Variants in ACACA observed in about 807,000 individuals in gnomAD.
ACACA encodes the protein acetyl-CoA carboxylase 1.
Under a neutral mutation model 296.1 loss-of-function variants are expected in ACACA, and 103 were observed. That is an observed-to-expected ratio of 0.35 (90% CI 0.30 to 0.41). The LOEUF is 0.41. ACACA is among the 10% of genes least tolerant of loss of function. The pLI, the probability that ACACA is intolerant of heterozygous loss-of-function variation, is 1.00. For synonymous variants in ACACA, 953 were observed against 1,038.6 expected, an observed-to-expected ratio of 0.92 and a Z score of 1.58; for missense variants, 1,554 against 2,989.7, an observed-to-expected ratio of 0.52 and a Z score of 11.20.
At chr17:37,324,002 G>A (rs898504188) in intron 3 of ACACA, among the ~76,000 whole-genome samples, 6 of 152,130 alleles carry the variant, frequency 3.9e-5, no homozygotes, top group African/African-American at 1.4e-4. Flanking sequence ...AGGCCAAGGC[G>A]GGTGGATCAC....
chr17:37,253,999 G>T (rs1309599553), intron 14 of ACACA, among the ~76,000 whole-genome samples: 3 of 152,224 alleles, frequency 2.0e-5, no homozygotes, highest in South Asian at 4.1e-4. Flanking sequence ...AATTTTAGCA[G>T]AATTTCAAAT....
At position 37,200,495 on chromosome 17, in the gene ACACA, A is replaced by C; in HGVS notation, c.4057-12T>G. ...ACCAGGGTAGCTTTCTAGGAGCAAA[A>C]ACATGTAAAACAGAAGATAGATGAG... is the stretch of plus-strand genomic sequence containing the variant. On this transcript the variant is annotated splice_polypyrimidine_tract_variant and intron_variant, in intron 33 of 55. Transcript: ENST00000616317. 1 of 1,604,368 alleles carries C rather than the reference A, an allele frequency of 6.2e-7. No homozygotes were observed.
intron 38 of ACACA, among the ~76,000 whole-genome samples, chr17:37,189,923 C>A (rs78258433): frequency 0.12 from 18,253 of 151,844 alleles, 1,693 homozygotes; most frequent in East Asian, 0.44. Flanking sequence ...GCCTGTAATC[C>A]CAGCACTTTG....
chr17:37,260,670 G>A (rs994061614), intron 11 of ACACA, among the ~76,000 whole-genome samples: 7 of 151,800 alleles, frequency 4.6e-5, no homozygotes, highest in Non-Finnish European at 8.8e-5. Context: ...TTATTCATTG[G>A]AACATAGTCA....
chr17:37,196,118 T>A (rs750415029), intron 35 of ACACA, among the ~76,000 whole-genome samples: 1 of 152,126 alleles, frequency 6.6e-6, no homozygotes, highest in Non-Finnish European at 1.5e-5. Context: ...ATGATACTAA[T>A]AATCGTGTTA....
At chr17:37,251,907 G>T in intron 16 of ACACA, 98 bp downstream of exon 16, 1 of 1,135,678 alleles carries the variant, frequency 8.8e-7, no homozygotes, top group Non-Finnish European at 1.3e-6. Flanking sequence ...CTCATAAGCT[G>T]CCAGGAATGG....
chr17:37,218,147 C>CAA (rs60487601), intron 29 of ACACA, among the ~76,000 whole-genome samples: 14,530 of 116,386 alleles, frequency 0.12, 1,164 homozygotes, highest in African/African-American at 0.26. Context: ...CTACCAGTAA[C>CAA]AAAAAAAAAA....
At chr17:37,258,957 A>C (rs1323337102) in intron 12 of ACACA, among the ~76,000 whole-genome samples, 1 of 152,210 alleles carries the variant, frequency 6.6e-6, no homozygotes, top group South Asian at 2.1e-4. Context: ...GTGTGCTACC[A>C]CACTCTTGTA....
At chr17:37,331,171 G>A (rs2147230736) in intron 2 of ACACA, among the ~76,000 whole-genome samples, 1 of 151,818 alleles carries the variant, frequency 6.6e-6, no homozygotes, top group Admixed American at 6.6e-5. Flanking sequence ...AGGCTGGAGT[G>A]CAGTGGTGCG....
intron 25 of ACACA, among the ~76,000 whole-genome samples, chr17:37,229,161 A>G (rs890921023): frequency 1.3e-5 from 2 of 150,188 alleles, no homozygotes; most frequent in African/African-American, 4.9e-5. Flanking sequence ...AAAAAAAAGC[A>G]CACTAATCAC....
intron 52 of ACACA, among the ~76,000 whole-genome samples, chr17:37,104,924 G>A (rs1006981609): frequency 7.4e-6 from 1 of 135,106 alleles, no homozygotes; most frequent in African/African-American, 2.8e-5. Context: ...GGCAGACAGA[G>A]TGAGAATCTG....
chr17:37,373,871 C>T (rs1378061731), intron 1 of ACACA, among the ~76,000 whole-genome samples: 1 of 152,146 alleles, frequency 6.6e-6, no homozygotes, highest in Admixed American at 6.6e-5. Flanking sequence ...GCAAAAATCA[C>T]AAAACCCAAG....
intron 1 of ACACA, among the ~76,000 whole-genome samples, chr17:37,349,537 G>A (rs1007524260): frequency 3.5e-5 from 5 of 143,472 alleles, no homozygotes; most frequent in East Asian, 4.3e-4. Flanking sequence ...GTGTGCGCGC[G>A]TGTGTGTGTG....
At chr17:37,150,293 G>T (rs576807363) in intron 44 of ACACA, among the ~76,000 whole-genome samples, 3 of 152,248 alleles carry the variant, frequency 2.0e-5, no homozygotes, top group African/African-American at 7.2e-5. Context: ...TGTAATCCCG[G>T]CACTTTGGAA....
At chr17:37,235,133 T>C (rs563361569) in intron 24 of ACACA, 34 bp from the exon 25 acceptor site, 48 of 1,611,796 alleles carry the variant, frequency 3.0e-5, no homozygotes, top group South Asian at 4.4e-5. Flanking sequence ...TTCTCACCCA[T>C]GTATAAATGT....
chr17:37,223,551 G>A lies in ACACA; in HGVS notation c.3525C>T (p.Phe1175=). 1 of 1,612,550 alleles carries A rather than the reference G, an allele frequency of 6.2e-7. No individual in the cohort carries two copies. Among genetic ancestry groups the A allele is most frequent in the Non-Finnish European group, 8.5e-7 (1 of 1,178,560 alleles). ...TSIFDVLPNF[F]YHSNQVVRMA... ...TCCTCACTACTTGGTTGCTGTGATA[G>A]AAGAAGTTTGGTAGGACATCAAAAA... The change falls in exon 28 of 56, where the codon TTC becomes TTT. Residue 1175 remains phenylalanine (F), a synonymous_variant. Coordinates refer to ENST00000616317, the MANE Select transcript of ACACA (RefSeq NM_198834.3).
At chr17:37,299,637 A>C (rs1196902552) in intron 3 of ACACA, 3 of 1,149,572 alleles carry the variant, frequency 2.6e-6, no homozygotes, top group Non-Finnish European at 3.2e-6. Context: ...AGCCGGGGAG[A>C]AATATAAAAG....
At chr17:37,238,429 T>A (rs1039980345) in intron 24 of ACACA, among the ~76,000 whole-genome samples, 2 of 152,050 alleles carry the variant, frequency 1.3e-5, no homozygotes, top group Non-Finnish European at 2.9e-5. Flanking sequence ...TCTGGGTCAT[T>A]AAGTTCCACT....
Position 37,252,860 on chromosome 17 carries a change from G to C in ACACA, c.1977+26C>G, listed in dbSNP as rs1163074058. ...ACAAGTCTATAAAAACCCAATCCCAGCATCTGTTTGTGGAGAAATACACAC... is the reference window on the plus strand; with the variant it reads ...ACAAGTCTATAAAAACCCAATCCCACCATCTGTTTGTGGAGAAATACACAC... On this transcript the variant is annotated intron_variant, in intron 15 of 55. Coordinates refer to ENST00000616317, the MANE Select transcript of ACACA (RefSeq NM_198834.3). 4 of 1,613,618 alleles carry C rather than the reference G, an allele frequency of 2.5e-6. No homozygotes were observed. The Admixed American group carries it at 5.0e-5, about 20-fold the overall frequency.
Sources: allele counts gnomAD v4.1 joint callset (sites outside exome capture counted in the v4.1 genomes callset), GRCh38; gene constraint gnomAD v4.1.1; transcripts MANE v1.5; gene names NCBI Gene and HGNC (gene_info 2026-07-23, HGNC 2026-07-21).